The following LAMB1 variants were observed in gnomAD, a reference collection of about 807,000 sequenced individuals.
LAMB1 encodes the protein laminin subunit beta-1.
A neutral mutation model predicts 222.3 loss-of-function variants in LAMB1; 121 were observed. The ratio of observed to expected loss-of-function variants is 0.54; its 90% CI spans 0.47 to 0.63. The LOEUF (loss-of-function observed/expected upper bound fraction) is 0.63. Among genes scored for constraint, LAMB1 ranks in the 30% least tolerant of loss-of-function variants. LAMB1 has a pLI of 0.00. For synonymous variants in LAMB1, 794 were observed against 807.2 expected, an observed-to-expected ratio of 0.98 and a Z score of 0.28; for missense variants, 2,172 against 2,240.8, an observed-to-expected ratio of 0.97 and a Z score of 0.62.
chr7:107,998,307 C>A (rs754577708), intron 4 of LAMB1, 50 bp downstream of exon 4: 21 of 1,592,314 alleles, frequency 1.3e-5, no homozygotes, highest in Non-Finnish European at 1.8e-5. Context: ...AAGCTCCACC[C>A]AAGTTATCAA....
At chr7:107,954,672 C>A (rs958372955) in intron 21 of LAMB1, among the ~76,000 whole-genome samples, 1 of 152,032 alleles carries the variant, frequency 6.6e-6, no homozygotes, top group Non-Finnish European at 1.5e-5. Context: ...GTGCCTGTAG[C>A]CCCAGCTACT....
At position 107,929,076 on chromosome 7, in the gene LAMB1, G is replaced by T. The variant is rs564477610; in HGVS notation, c.4875C>A (p.Asn1625Lys). 1.9e-6 allele frequency: 3 copies of T among 1,613,896 alleles called. No individual in the cohort carries two copies. The highest frequency in any genetic ancestry group is 2.7e-5 in the African/African-American group (2 of 75,000). ...QADEDIQGTQ[N>K]LLTSIESETA... ...TGTGTATGCCTACCGAAGTTAACAG[G>T]TTCTGGGTTCCTTGAATGTCTTCAT... Residue 1625 changes from asparagine (N) to lysine (K), a missense_variant, in exon 31 of 34, where the codon AAC becomes AAA. Coordinates refer to ENST00000222399, the MANE Select transcript of LAMB1 (RefSeq NM_002291.3).
At chr7:107,924,845 G>A (rs187020566) in intron 32 of LAMB1, among the ~76,000 whole-genome samples, 5 of 152,282 alleles carry the variant, frequency 3.3e-5, no homozygotes, top group African/African-American at 1.2e-4. Context: ...AAGGAAAGGT[G>A]AGATTGTAGC....
At chr7:107,955,727 T>G in intron 20 of LAMB1, 97 bp from the exon 21 acceptor site, 1 of 1,074,272 alleles carries the variant, frequency 9.3e-7, no homozygotes, top group Non-Finnish European at 1.3e-6. Flanking sequence ...GGGCACACTC[T>G]TCTCCACTCC....
chr7:107,986,517 G>A (rs888088974), intron 5 of LAMB1, among the ~76,000 whole-genome samples, 154 bp from the exon 6 acceptor site: 9 of 152,122 alleles, frequency 5.9e-5, no homozygotes, highest in African/African-American at 2.2e-4. Flanking sequence ...AATAATTCAA[G>A]CTGTTCCACA....
chr7:107,935,332 GGTTT>G (rs1370003452), intron 27 of LAMB1, 79 bp downstream of exon 27: 11 of 1,506,682 alleles, frequency 7.3e-6, no homozygotes, highest in South Asian at 3.9e-5. Context: ...GACAAAAGAT[GGTTT>G]GTTTTTCTTT....
chr7:107,951,177 G>T, intron 24 of LAMB1, 49 bp downstream of exon 24: 2 of 1,397,536 alleles, frequency 1.4e-6, no homozygotes, highest in Non-Finnish European at 2.0e-6. Flanking sequence ...TAGAACCCCA[G>T]TTCCCTCCAC....
chr7:107,924,211 C>T lies in LAMB1; in HGVS notation c.5224+19G>A, dbSNP rs1437448931. The T allele has an allele frequency of 6.3e-7, 1 of 1,576,806 alleles. No individual in the cohort carries two copies. ...GCCTTAAAGTAATTTAAAAAATAAG[C>T]CTGTGTGAAAAGACCCACCTTTGAG... On this transcript the variant is annotated intron_variant, in intron 33 of 33. Transcript: ENST00000222399.
chr7:107,923,959 A>G lies in LAMB1; in HGVS notation c.5353T>C (p.Cys1785Arg). The change falls in exon 34 of 34, where the codon TGC becomes CGC. Residue 1785 changes from cysteine (C) to arginine (R), a missense_variant. Transcript: ENST00000222399. ...TTTTTTATTCTCCTCTGTTACAAGC[A>G]TGTGCTATACACAGCAACTTTCTGG... Reference protein sequence around the residue: ...ISQKVAVYSTCL With the variant: ...ISQKVAVYSTRL The G allele has an allele frequency of 6.2e-7, 1 of 1,607,518 alleles. No homozygotes were observed. Among genetic ancestry groups the G allele is most frequent in the South Asian group, 1.1e-5 (1 of 89,606 alleles).
At position 107,980,816 on chromosome 7, in the gene LAMB1, G is replaced by C. The variant is rs779207989; in HGVS notation, c.677-5C>G. 6.3e-7 allele frequency: 1 copy of C among 1,576,924 alleles called. No homozygotes were observed. Among genetic ancestry groups the C allele is most frequent in the Admixed American group, 1.7e-5 (1 of 59,776 alleles). ...AGTTGGTAATTTTTAATAAATCTAG[G>C]AAGGTCATCAAGAAGATGAAAAGTC... On this transcript the variant is annotated splice_polypyrimidine_tract_variant and splice_region_variant and intron_variant, in intron 7 of 33. Transcript: ENST00000222399.
At chr7:107,926,455 A>G (rs2032569965) in intron 31 of LAMB1, 96 bp from the exon 32 acceptor site, 1 of 1,000,080 alleles carries the variant, frequency 1.0e-6, no homozygotes, top group African/African-American at 1.6e-5. Context: ...CTGCTGTGCC[A>G]TTTTGCTCTA....
intron 5 of LAMB1, among the ~76,000 whole-genome samples, chr7:107,992,916 G>C (rs771657258): frequency 7.2e-5 from 11 of 152,012 alleles, no homozygotes; most frequent in Non-Finnish European, 1.5e-4. Context: ...AAACAGAGGG[G>C]AACAGGAGAA....
Position 107,924,013 on chromosome 7 carries a change from C to G in LAMB1, c.5299G>C (p.Glu1767Gln). 1 of 1,601,030 alleles carries G rather than the reference C, an allele frequency of 6.2e-7. No individual in the cohort carries two copies. The highest frequency in any genetic ancestry group is 8.5e-7 in the Non-Finnish European group (1 of 1,176,950). ...KAQELARLEGEVRSLLKDISQ... is the reference protein window; with the variant it reads ...KAQELARLEGQVRSLLKDISQ... ...ATATCCTTTAGGAGTGAACGGACTT[C>G]TCCTTCCAGTCTTGCTAATTCTTGA... The change falls in exon 34 of 34, where the codon GAA becomes CAA. Residue 1767 changes from glutamate (E) to glutamine (Q), a missense_variant. Transcript: ENST00000222399.
intron 14 of LAMB1, among the ~76,000 whole-genome samples, chr7:107,964,033 G>T (rs1344252319): frequency 6.6e-6 from 1 of 152,182 alleles, no homozygotes; most frequent in East Asian, 1.9e-4. Context: ...GCAGGCGGAG[G>T]TTGTGGTGAG....
Position 107,945,083 on chromosome 7 carries a change from T to C in LAMB1, c.3392-4725A>G, listed in dbSNP as rs2237688. Among the ~76,000 whole-genome samples, 23 of 152,344 alleles carry C rather than the reference T, an allele frequency of 1.5e-4. No individual in the cohort carries two copies. In the East Asian group the frequency reaches 3.9e-3, roughly 26 times the overall value. On this transcript the variant is annotated intron_variant, in intron 24 of 33. Transcript: ENST00000222399. Reference sequence around the variant, plus strand: ...ATGAACAAATCATGAAGATGAAGAATAGTATTTTTTAAATGAGATACTCAT... The same window carrying C: ...ATGAACAAATCATGAAGATGAAGAACAGTATTTTTTAAATGAGATACTCAT...
At chr7:107,944,598 T>C (rs2033077004) in intron 24 of LAMB1, among the ~76,000 whole-genome samples, 1 of 152,220 alleles carries the variant, frequency 6.6e-6, no homozygotes, top group East Asian at 1.9e-4. Context: ...CTGAAGCCCC[T>C]GGTCATGTGC....
rs187042523 is a variant in LAMB1, at chr7:107,929,354, T to G, written c.4745+58A>C. The G allele has an allele frequency of 3.9e-3, 6,059 of 1,539,592 alleles. 17 individuals are homozygous for G. Among genetic ancestry groups the G allele is most frequent in the Non-Finnish European group, 4.4e-3 (4,931 of 1,115,094 alleles). On this transcript the variant is annotated intron_variant, in intron 30 of 33. Transcript: ENST00000222399. ...GAAGTTTCATTGGTTAAAGAGATAC[T>G]TTTTACTCCATGATAGATACACAAA... is the stretch of plus-strand genomic sequence containing the variant.
chr7:107,926,109 A>C (rs2032557203), intron 32 of LAMB1, 74 bp downstream of exon 32: 1 of 1,147,656 alleles, frequency 8.7e-7, no homozygotes, highest in African/African-American at 1.5e-5. Flanking sequence ...CATGTCCCTT[A>C]CTCTAAGGCA....
intron 3 of LAMB1, among the ~76,000 whole-genome samples, chr7:107,998,813 G>A (rs201078197): frequency 1.3e-5 from 2 of 152,284 alleles, no homozygotes; most frequent in East Asian, 3.9e-4. Flanking sequence ...AGCTAGAGAA[G>A]CTTACTCTAC....
Sources: gnomAD v4.1 joint callset for allele counts (sites outside exome capture counted in the v4.1 genomes callset) on GRCh38, gnomAD v4.1.1 for gene constraint, MANE v1.5 for transcripts, NCBI Gene and HGNC (gene_info 2026-07-23, HGNC 2026-07-21) for gene names.